MACROD2: variants seen among roughly 807,000 people sequenced by gnomAD.
The protein encoded by MACROD2 is ADP-ribose glycohydrolase MACROD2.
Under a neutral mutation model 70.4 loss-of-function variants are expected in MACROD2, and 36 were observed. That is an observed-to-expected ratio of 0.51 (90% CI 0.39 to 0.68). MACROD2 has a LOEUF of 0.68. MACROD2 is among the 30% of genes least tolerant of loss of function. MACROD2 has a pLI of 0.00. For missense variants in MACROD2, 496 were observed against 538.4 expected (o/e 0.92, Z 0.78); for synonymous variants, 172 against 178.8 (o/e 0.96, Z 0.30).
intron 8 of MACROD2, among the ~76,000 whole-genome samples, chr20:15,849,461 C>CA (rs1466969214): frequency 3.9e-5 from 6 of 152,192 alleles, no homozygotes; most frequent in Non-Finnish European, 8.8e-5. Context: ...CACGGTTATG[C>CA]AGTGGGCCCC....
intron 5 of MACROD2, among the ~76,000 whole-genome samples, chr20:15,169,343 C>G (rs957327403): frequency 1.3e-5 from 2 of 152,106 alleles, no homozygotes; most frequent in Non-Finnish European, 2.9e-5. Flanking sequence ...TCTTGAGCTA[C>G]TCAAGTGAAA....
intron 8 of MACROD2, among the ~76,000 whole-genome samples, chr20:15,505,011 G>A (rs2047408034): frequency 6.6e-6 from 1 of 152,150 alleles, no homozygotes; most frequent in Non-Finnish European, 1.5e-5. Flanking sequence ...CTGAAAGTTA[G>A]CCTAAGAAAT....
chr20:14,084,499 T>C (rs2054051088), intron 2 of MACROD2, among the ~76,000 whole-genome samples: 1 of 152,218 alleles, frequency 6.6e-6, no homozygotes, highest in Admixed American at 6.5e-5. Context: ...TAAAAACCTT[T>C]TTATGAATAG....
intron 6 of MACROD2, among the ~76,000 whole-genome samples, chr20:15,422,095 G>A (rs727247): frequency 0.45 from 68,876 of 151,978 alleles, 15,818 homozygotes; most frequent in African/African-American, 0.52. Flanking sequence ...CTGGAACTCA[G>A]GAGCAAGGAA....
At chr20:14,339,540 C>T (rs746893826) in intron 3 of MACROD2, among the ~76,000 whole-genome samples, 12 of 152,146 alleles carry the variant, frequency 7.9e-5, no homozygotes, top group Non-Finnish European at 1.6e-4. Flanking sequence ...TAATCAGTTT[C>T]GTCTTCATTC....
chr20:14,914,940 C>T (rs1198086446), intron 5 of MACROD2, among the ~76,000 whole-genome samples: 1 of 152,146 alleles, frequency 6.6e-6, no homozygotes, highest in South Asian at 2.1e-4. Context: ...AAGGATGTTG[C>T]ACTCCCAGAG....
chr20:15,277,308 A>C (rs963027346), intron 6 of MACROD2, among the ~76,000 whole-genome samples: 1 of 152,182 alleles, frequency 6.6e-6, no homozygotes, highest in African/African-American at 2.4e-5. Context: ...TCATTGTGAA[A>C]AACTTGATCA....
At chr20:14,017,315 C>A (rs1348826724) in intron 2 of MACROD2, among the ~76,000 whole-genome samples, 2 of 152,016 alleles carry the variant, frequency 1.3e-5, no homozygotes, top group Admixed American at 1.3e-4. Flanking sequence ...TCTTTTATTT[C>A]TTTTTCTTGC....
chr20:14,833,874 A>G (rs2072999207), intron 5 of MACROD2, among the ~76,000 whole-genome samples: 1 of 152,130 alleles, frequency 6.6e-6, no homozygotes, highest in Non-Finnish European at 1.5e-5. Flanking sequence ...CATAAGCTGA[A>G]TAAAAATAGT....
intron 3 of MACROD2, among the ~76,000 whole-genome samples, chr20:14,195,934 G>A (rs1325363915): frequency 6.6e-6 from 1 of 152,152 alleles, no homozygotes; most frequent in African/African-American, 2.4e-5. Flanking sequence ...CTGTCCCTAC[G>A]ATAAGGCAGG....
chr20:15,977,689 G>C (rs1459056350), intron 13 of MACROD2, among the ~76,000 whole-genome samples: 1 of 152,184 alleles, frequency 6.6e-6, no homozygotes, highest in Non-Finnish European at 1.5e-5. Flanking sequence ...TGGTAAGAGA[G>C]ACAAAGACAG....
intron 5 of MACROD2, among the ~76,000 whole-genome samples, chr20:14,845,156 T>C (rs936000897): frequency 6.6e-6 from 1 of 152,124 alleles, no homozygotes; most frequent in African/African-American, 2.4e-5. Flanking sequence ...ACATCCTCAC[T>C]TTATGATTTC....
intron 5 of MACROD2, among the ~76,000 whole-genome samples, chr20:14,949,787 A>G (rs1399562488): frequency 2.0e-5 from 3 of 152,174 alleles, no homozygotes; most frequent in African/African-American, 7.2e-5. Context: ...TATAATGGGC[A>G]TCATTGTTGA....
chr20:14,819,005 C>T (rs2122200687), intron 5 of MACROD2, among the ~76,000 whole-genome samples: 1 of 151,704 alleles, frequency 6.6e-6, no homozygotes, highest in Non-Finnish European at 1.5e-5. Context: ...TGGCTCATGC[C>T]TGCAATCCCA....
chr20:14,301,478 C>A (rs539253048), intron 3 of MACROD2, among the ~76,000 whole-genome samples: 1 of 152,036 alleles, frequency 6.6e-6, no homozygotes, highest in Non-Finnish European at 1.5e-5. Flanking sequence ...ATAAGACTGC[C>A]AAGCATTTTC....
chr20:15,296,305 A>T (rs1424074499), intron 6 of MACROD2, among the ~76,000 whole-genome samples: 3 of 152,184 alleles, frequency 2.0e-5, no homozygotes, highest in Admixed American at 2.0e-4. Flanking sequence ...AGAGGGGGAT[A>T]GAAAGAGAGA....
intron 8 of MACROD2, among the ~76,000 whole-genome samples, chr20:15,555,475 C>T (rs922095234): frequency 2.0e-5 from 3 of 152,114 alleles, no homozygotes; most frequent in African/African-American, 7.2e-5. Flanking sequence ...AAAAGAGGCA[C>T]ATACTGTAAC....
chr20:15,396,867 A>C (rs532943542), intron 6 of MACROD2, among the ~76,000 whole-genome samples: 86 of 152,226 alleles, frequency 5.6e-4, no homozygotes, highest in African/African-American at 2.0e-3. Flanking sequence ...CCCCTCATTC[A>C]CTGGGTGGTT....
At chr20:14,725,825 G>A (rs1483930723) in intron 5 of MACROD2, among the ~76,000 whole-genome samples, 1 of 152,082 alleles carries the variant, frequency 6.6e-6, no homozygotes, top group Non-Finnish European at 1.5e-5. Context: ...TCTCTGGTGA[G>A]TGAACTCCTC....
Sources: gnomAD v4.1 joint callset for allele counts (sites outside exome capture counted in the v4.1 genomes callset) on GRCh38, gnomAD v4.1.1 for gene constraint, MANE v1.5 for transcripts, NCBI Gene and HGNC (gene_info 2026-07-23, HGNC 2026-07-21) for gene names.